The following MSANTD7 variants were observed in gnomAD, a reference collection of about 807,000 sequenced individuals.
MSANTD7 encodes Myb/SANT DNA binding domain containing 7.
At chr10:14,842,889 T>C in the MSANTD7 span, 5 of 1,345,306 alleles carry the variant, frequency 3.7e-6, no homozygotes, top group African/African-American at 5.8e-5. The surrounding 1 kb of genome is among the most constrained non-coding windows in gnomAD (Gnocchi z 5.2). Flanking sequence ...CAGAGTCTTG[T>C]GGCTCTAAAC....
the MSANTD7 span, chr10:14,844,722 A>G: frequency 3.1e-6 from 3 of 963,682 alleles, no homozygotes; most frequent in Non-Finnish European, 3.7e-6. Context: ...ATAAAATATT[A>G]AATATATGTA....
chr10:14,838,690 G>C, the MSANTD7 span: 1 of 492,120 alleles, frequency 2.0e-6, no homozygotes, highest in Non-Finnish European at 3.6e-6. Context: ...GTAGACGCGC[G>C]GGGTCCCAGG....
the MSANTD7 span, chr10:14,846,623 C>T: frequency 1.0e-6 from 1 of 954,614 alleles, no homozygotes; most frequent in African/African-American, 1.8e-5. Flanking sequence ...AACTCAGGTT[C>T]CTCATTTATA....
the MSANTD7 span, chr10:14,838,360 T>C: frequency 6.4e-7 from 1 of 1,568,238 alleles, no homozygotes; most frequent in Non-Finnish European, 8.6e-7. Context: ...CTGTTGCTGT[T>C]GGGGGACCCC....
the MSANTD7 span, chr10:14,843,957 C>G: frequency 4.6e-6 from 7 of 1,516,838 alleles, no homozygotes; most frequent in East Asian, 7.3e-5. Flanking sequence ...AACCTGCCTT[C>G]TGAATCCCTG....
At chr10:14,842,362 G>A in the MSANTD7 span, 2 of 1,536,130 alleles carry the variant, frequency 1.3e-6, no homozygotes, top group Admixed American at 2.0e-5. This position sits in a 1 kb window ranked among gnomAD's most constrained non-coding sequence, Gnocchi z 5.2. Flanking sequence ...TACTAGGCGA[G>A]GCAGAGTATA....
the MSANTD7 span, chr10:14,845,285 T>A: frequency 8.1e-6 from 8 of 985,424 alleles, no homozygotes; most frequent in Non-Finnish European, 9.6e-6. Context: ...TTAAAAAGTT[T>A]TCCAATAATC....
At chr10:14,846,954 G>A in the MSANTD7 span, 2 of 985,272 alleles carry the variant, frequency 2.0e-6, no homozygotes, top group East Asian at 1.1e-4. Flanking sequence ...TTGTTTTTCT[G>A]TTCGGTAATC....
chr10:14,841,016 G>A, the MSANTD7 span: 1 of 152,148 alleles, frequency 6.6e-6, no homozygotes, highest in Non-Finnish European at 1.5e-5. Context: ...ACTTTGTTTA[G>A]TGAGAATTTA....
chr10:14,839,561 A>T, the MSANTD7 span, among the ~76,000 whole-genome samples: 1 of 149,954 alleles, frequency 6.7e-6, no homozygotes, highest in South Asian at 2.1e-4. Flanking sequence ...ACGGAGCAAG[A>T]CTCCGTGTCC....
chr10:14,838,533 T>G, the MSANTD7 span: 1 of 1,407,988 alleles, frequency 7.1e-7, no homozygotes, highest in African/African-American at 1.4e-5. Context: ...ATCCACAGGC[T>G]TGAGAGCGGC....
At chr10:14,843,630 G>T in the MSANTD7 span, 2 of 1,550,430 alleles carry the variant, frequency 1.3e-6, no homozygotes, top group African/African-American at 1.4e-5. Flanking sequence ...GAAGAAGGCG[G>T]TCAGTGGCCA....
the MSANTD7 span, chr10:14,845,239 A>G: frequency 1.0e-6 from 1 of 984,966 alleles, no homozygotes; most frequent in Admixed American, 6.1e-5. Context: ...TGATTTACTT[A>G]GTACTTTTAG....
chr10:14,846,030 A>C, the MSANTD7 span: 2 of 954,390 alleles, frequency 2.1e-6, no homozygotes, highest in Non-Finnish European at 2.5e-6. Context: ...GTATATTTGA[A>C]ATACTGGTAA....
At chr10:14,838,754 G>A in the MSANTD7 span, among the ~76,000 whole-genome samples, 1 of 152,096 alleles carries the variant, frequency 6.6e-6, no homozygotes, top group African/African-American at 2.4e-5. Context: ...TAGCTGCAGG[G>A]TGCCCGGGGG....
the MSANTD7 span, chr10:14,844,727 T>A: frequency 1.0e-6 from 1 of 963,860 alleles, no homozygotes; most frequent in Non-Finnish European, 1.2e-6. Flanking sequence ...ATATTAAATA[T>A]ATGTAAATTC....
At chr10:14,845,725 C>G in the MSANTD7 span, 2 of 188,098 alleles carry the variant, frequency 1.1e-5, no homozygotes, top group South Asian at 3.7e-4. Flanking sequence ...ACATGCCCAA[C>G]TCATTTTTGT....
chr10:14,840,000 A>G, the MSANTD7 span: 6 of 1,585,166 alleles, frequency 3.8e-6, no homozygotes, highest in Non-Finnish European at 5.2e-6. Context: ...TAGTCCCCCC[A>G]TTTTTGTACT....
the MSANTD7 span, chr10:14,846,643 A>T: frequency 2.1e-6 from 2 of 946,198 alleles, no homozygotes; most frequent in African/African-American, 1.8e-5. Context: ...AAAGTGGGAA[A>T]CTCATAATTG....
Sources: allele counts gnomAD v4.1 joint callset (sites outside exome capture counted in the v4.1 genomes callset), GRCh38; gene constraint gnomAD v4.1.1; non-coding constraint Gnocchi (gnomAD v3.1); transcripts MANE v1.5; gene names NCBI Gene and HGNC (gene_info 2026-07-23, HGNC 2026-07-21).